The following DNAH11 variants were observed in gnomAD, a reference collection of about 807,000 sequenced individuals.
The protein encoded by DNAH11 is axonemal beta dynein heavy chain 11.
In DNAH11, 442 loss-of-function variants were observed where a neutral mutation model predicts 526.0. The observed-to-expected ratio is 0.84, with a 90% CI of 0.78 to 0.91. The LOEUF is 0.91. DNAH11 is among the 40% of genes least tolerant of loss of function. The pLI is 0.00. For missense variants in DNAH11, 6,989 were observed against 5,448.7 expected, an observed-to-expected ratio of 1.28 and a Z score of -8.90; for synonymous variants, 2,461 against 1,935.9, an observed-to-expected ratio of 1.27 and a Z score of -7.12.
At chr7:21,678,349 C>T (rs1487862949) in intron 30 of DNAH11, among the ~76,000 whole-genome samples, 1 of 151,664 alleles carries the variant, frequency 6.6e-6, no homozygotes, top group African/African-American at 2.4e-5. Flanking sequence ...GTTTTTGGTG[C>T]CTATGCTGAA....
chr7:21,641,579 C>A (rs546100317), intron 28 of DNAH11, among the ~76,000 whole-genome samples: 1 of 152,230 alleles, frequency 6.6e-6, no homozygotes, highest in African/African-American at 2.4e-5. Context: ...CAACTCTGTT[C>A]ACCCTCCTTT....
intron 12 of DNAH11, among the ~76,000 whole-genome samples, chr7:21,590,160 TG>T (rs1315931335): frequency 2.6e-5 from 4 of 152,184 alleles, no homozygotes; most frequent in African/African-American, 9.6e-5. Flanking sequence ...TTACCATTTA[TG>T]TATGTGTATG....
At chr7:21,878,462 T>A (rs1161675680) in intron 74 of DNAH11, among the ~76,000 whole-genome samples, 5 of 152,214 alleles carry the variant, frequency 3.3e-5, no homozygotes, top group African/African-American at 1.2e-4. Context: ...CCTAGAAATT[T>A]CTCACATTTA....
Position 21,610,232 on chromosome 7 carries a change from C to T in DNAH11, c.3852+3499C>T, listed in dbSNP as rs138906690. 9.6e-3 allele frequency among the ~76,000 whole-genome samples: 1,459 copies of T among 152,100 alleles called. 13 individuals carry two copies. The highest frequency in any genetic ancestry group is 0.034 in the African/African-American group (1,391 of 41,486). On this transcript the variant is annotated intron_variant, in intron 20 of 81. Coordinates refer to ENST00000409508, the MANE Select transcript of DNAH11 (RefSeq NM_001277115.2). ...TTGCGCCACTTCACTCCAGCCTGGG[C>T]GACAGTGCGAGACTCCATCTCAAAA...
intron 45 of DNAH11, among the ~76,000 whole-genome samples, chr7:21,733,823 G>C (rs539582860): frequency 6.6e-6 from 1 of 152,226 alleles, no homozygotes; most frequent in East Asian, 1.9e-4. Context: ...CTAAGGCAGG[G>C]ACTGTCGCTA....
intron 57 of DNAH11, among the ~76,000 whole-genome samples, chr7:21,780,309 C>T (rs1352072101): frequency 6.6e-6 from 1 of 152,072 alleles, no homozygotes; most frequent in Non-Finnish European, 1.5e-5. Context: ...CTTAGGGAGG[C>T]AGAGGCAGGA....
At chr7:21,715,439 A>T (rs1319075010) in intron 42 of DNAH11, among the ~76,000 whole-genome samples, 1 of 152,204 alleles carries the variant, frequency 6.6e-6, no homozygotes, top group Non-Finnish European at 1.5e-5. Flanking sequence ...TGCCATTAAG[A>T]TGATACATTG....
chr7:21,617,957 A>G (rs1484309859), intron 23 of DNAH11, among the ~76,000 whole-genome samples, 180 bp downstream of exon 23: 1 of 152,172 alleles, frequency 6.6e-6, no homozygotes, highest in Non-Finnish European at 1.5e-5. Flanking sequence ...AACAATTTAG[A>G]AAAAGGCACC....
chr7:21,739,023 T>G (rs918919925), intron 47 of DNAH11, among the ~76,000 whole-genome samples, 157 bp downstream of exon 47: 1 of 152,196 alleles, frequency 6.6e-6, no homozygotes, highest in Non-Finnish European at 1.5e-5. Flanking sequence ...AAGGAATATC[T>G]TTTGGGTTTG....
At chr7:21,759,844 G>A (rs1253438628) in intron 54 of DNAH11, among the ~76,000 whole-genome samples, 1 of 152,150 alleles carries the variant, frequency 6.6e-6, no homozygotes, top group Non-Finnish European at 1.5e-5. Context: ...GTGGACTCCT[G>A]CAAATGAGTC....
At chr7:21,754,490 TC>T (rs1224727990) in intron 54 of DNAH11, among the ~76,000 whole-genome samples, 1 of 152,188 alleles carries the variant, frequency 6.6e-6, no homozygotes, top group Non-Finnish European at 1.5e-5. Flanking sequence ...TGTTGTCTAA[TC>T]CTTTTTATGG....
intron 30 of DNAH11, 79 bp from the exon 31 acceptor site, chr7:21,681,467 T>G: frequency 6.9e-7 from 1 of 1,453,204 alleles, no homozygotes; most frequent in South Asian, 1.3e-5. Context: ...AATCAGCCTT[T>G]ACAAATACGA....
At chr7:21,869,084 C>A in intron 73 of DNAH11, 93 bp downstream of exon 73, 1 of 1,549,386 alleles carries the variant, frequency 6.5e-7, no homozygotes, top group East Asian at 2.3e-5. Flanking sequence ...CCCTTAACAC[C>A]GCTGTGCATG....
At chr7:21,687,050 T>C in intron 32 of DNAH11, 49 bp from the exon 33 acceptor site, 1 of 1,550,478 alleles carries the variant, frequency 6.4e-7, no homozygotes, top group Non-Finnish European at 8.7e-7. Context: ...TGATGTTTTA[T>C]GAAAATCTCA....
intron 44 of DNAH11, among the ~76,000 whole-genome samples, chr7:21,722,290 C>T (rs1406828756): frequency 3.3e-5 from 5 of 152,174 alleles, no homozygotes; most frequent in African/African-American, 4.8e-5. Flanking sequence ...GTGTGTCTTT[C>T]TCCAAAAGCC....
rs10276395 is a variant in DNAH11 at position 21,735,349 on chromosome 7, C to T, written c.7441-291C>T. Among the ~76,000 whole-genome samples, 26,919 of 152,090 alleles carry T rather than the reference C, an allele frequency of 0.18. 2,494 individuals are homozygous for T. The highest frequency in any genetic ancestry group is 0.2 in the East Asian group (1,017 of 5,160). On this transcript the variant is annotated intron_variant, in intron 45 of 81. Coordinates refer to ENST00000409508, the MANE Select transcript of DNAH11 (RefSeq NM_001277115.2). Reference sequence around the variant, plus strand: ...AGAGTAGGTATTTTGGAATTAGGAGCCTTGGGGGCTAGTACTTAATTTGGA... The same window carrying T: ...AGAGTAGGTATTTTGGAATTAGGAGTCTTGGGGGCTAGTACTTAATTTGGA...
At chr7:21,711,215 G>T (rs57416533) in intron 41 of DNAH11, among the ~76,000 whole-genome samples, 2,764 of 152,262 alleles carry the variant, frequency 0.018, 74 homozygotes, top group African/African-American at 0.063. Context: ...AGGGTCTGTT[G>T]TTGGGGTCAG....
intron 45 of DNAH11, among the ~76,000 whole-genome samples, chr7:21,726,891 A>AAAAAG (rs1269603324): frequency 1.7e-5 from 2 of 114,748 alleles, no homozygotes; most frequent in East Asian, 7.9e-4. Context: ...AAAAAAAAAA[A>AAAAAG]GAATGCTTAG....
chr7:21,600,620 A>T, intron 15 of DNAH11, 56 bp from the exon 16 acceptor site: 1 of 1,503,100 alleles, frequency 6.7e-7, no homozygotes, highest in Non-Finnish European at 8.9e-7. Flanking sequence ...TGTTGTAGAT[A>T]ATTGGTAAAG....
Sources: allele counts gnomAD v4.1 joint callset (sites outside exome capture counted in the v4.1 genomes callset), GRCh38; gene constraint gnomAD v4.1.1; transcripts MANE v1.5; gene names NCBI Gene and HGNC (gene_info 2026-07-23, HGNC 2026-07-21).